Variants in MTHFD1L observed in about 807,000 individuals in gnomAD.
MTHFD1L encodes the protein monofunctional C1-tetrahydrofolate synthase, mitochondrial.
A neutral mutation model predicts 119.5 loss-of-function variants in MTHFD1L; 81 were observed. The ratio of observed to expected loss-of-function variants is 0.68; its 90% confidence interval spans 0.57 to 0.82. The LOEUF is 0.82. Ranked by LOEUF, MTHFD1L falls within the 40% of genes least tolerant of loss-of-function variation. The probability of loss-of-function intolerance (pLI) is 0.00; values close to 1 mark genes in which losing one functional copy is unlikely to be tolerated. For synonymous variants in MTHFD1L, 430 were observed against 475.2 expected (o/e 0.90, Z 1.24); for missense variants, 1,125 against 1,253.4 (o/e 0.90, Z 1.55).
rs146959174 is a variant in MTHFD1L, at chr6:151,017,692, A to G, written c.2586+1999A>G. 4.3e-4 allele frequency among the ~76,000 whole-genome samples: 65 copies of G among 152,054 alleles called. No homozygotes were observed. In the East Asian group the frequency reaches 0.011, roughly 26 times the overall value. ...CTGAATACGCTCCCATTCTTTGGAT[A>G]TCCCACATTTTGTTTCTTTGTCCAT... On this transcript the variant is annotated intron_variant, in intron 24 of 27. Coordinates refer to ENST00000367321, the MANE Select transcript of MTHFD1L (RefSeq NM_015440.5).
At chr6:150,906,130 T>C (rs1275796117) in intron 8 of MTHFD1L, among the ~76,000 whole-genome samples, 2 of 152,244 alleles carry the variant, frequency 1.3e-5, no homozygotes, top group East Asian at 3.8e-4. Context: ...AATCTCACTA[T>C]GTAAAAGCAG....
intron 1 of MTHFD1L, among the ~76,000 whole-genome samples, chr6:150,870,956 T>C (rs1362856297): frequency 1.4e-5 from 2 of 141,754 alleles, no homozygotes; most frequent in Admixed American, 7.2e-5. Context: ...AACATATATA[T>C]ATATATTATA....
At chr6:150,980,401 A>G (rs1340091800) in intron 20 of MTHFD1L, among the ~76,000 whole-genome samples, 2 of 152,148 alleles carry the variant, frequency 1.3e-5, no homozygotes, top group East Asian at 3.9e-4. Flanking sequence ...TTTTGTGTAA[A>G]GTAGCCCTCT....
intron 24 of MTHFD1L, among the ~76,000 whole-genome samples, chr6:151,028,000 C>T (rs529604909): frequency 3.9e-5 from 6 of 152,140 alleles, no homozygotes; most frequent in African/African-American, 1.2e-4. Context: ...CCTTCATCTT[C>T]TCCAGTGGTG....
In MTHFD1L at chr6:150,998,995, A is replaced by AAAAAAAAAAATGTATATATATATATATAT. The variant is rs986639098; in HGVS notation, c.2126-10823_2126-10822insAAAAAAAAATGTATATATATATATATATA. ...ACAGAGGGAGACCCTGTCTTAAAAA[A>AAAAAAAAAAATGTATATATATATATATAT]ATATATATACATATATATATATAGT... is the stretch of plus-strand genomic sequence containing the variant. On this transcript the variant is annotated intron_variant, in intron 20 of 27. Transcript: ENST00000367321. Among the ~76,000 whole-genome samples the AAAAAAAAAAATGTATATATATATATATAT allele has an allele frequency of 1.6e-4, 23 of 143,658 alleles. 1 individual carries two copies. The highest frequency in any genetic ancestry group is 5.4e-4 in the African/African-American group (21 of 38,870). 94.2% of individuals were successfully genotyped at this position (143,658 alleles called of 152,430 possible). A position where few individuals can be genotyped will look rare whatever the true frequency, so the allele number is the denominator to read the frequency against.
intron 11 of MTHFD1L, among the ~76,000 whole-genome samples, chr6:150,929,058 G>T (rs1180281504): frequency 6.6e-6 from 1 of 152,150 alleles, no homozygotes; most frequent in Non-Finnish European, 1.5e-5. Context: ...GTGTGGGAAA[G>T]TTCCTGGCTG....
rs1790075784 is a variant in MTHFD1L at position 150,926,838 on chromosome 6, A to G, written c.1256+543A>G. On this transcript the variant is annotated intron_variant, in intron 11 of 27. Coordinates refer to ENST00000367321, the MANE Select transcript of MTHFD1L (RefSeq NM_015440.5). This position sits in a 1 kb window ranked among gnomAD's most constrained non-coding sequence, Gnocchi z 4.3. ...GTTATTTTATAAAAGACAAATTCAT[A>G]GTTTTTGTGAAAAGGAGTGTTTGCC... 6.6e-6 allele frequency among the ~76,000 whole-genome samples: 1 copy of G among 152,054 alleles called. No individual in the cohort carries two copies. Among genetic ancestry groups the G allele is most frequent in the African/African-American group, 2.4e-5 (1 of 41,316 alleles).
At chr6:150,954,053 G>A (rs1039304187) in intron 16 of MTHFD1L, among the ~76,000 whole-genome samples, 9 of 152,218 alleles carry the variant, frequency 5.9e-5, no homozygotes, top group African/African-American at 1.9e-4. Context: ...GAGGGAGCTT[G>A]TTATAAAGAC....
rs780408715 is a variant in MTHFD1L, at chr6:151,010,001, T to G, written c.2265+43T>G. On this transcript the variant is annotated intron_variant, in intron 21 of 27. Coordinates refer to ENST00000367321, the MANE Select transcript of MTHFD1L (RefSeq NM_015440.5). ...CTTCCTAATACCAAAGAAATTTCAT[T>G]ATGTTAAAACAGAATTGAGCATTTG... is the stretch of plus-strand genomic sequence containing the variant. 158 of 1,539,902 alleles carry G rather than the reference T, an allele frequency of 1.0e-4. No homozygotes were observed. The East Asian group carries it at 3.6e-3, about 35-fold the overall frequency.
In MTHFD1L at chr6:151,092,498, C is replaced by A. The variant is rs1367181116; in HGVS notation, c.2879C>A (p.Pro960His). 3.1e-6 allele frequency: 5 copies of A among 1,614,082 alleles called. No homozygotes were observed. Among genetic ancestry groups the A allele is most frequent in the Non-Finnish European group, 4.2e-6 (5 of 1,180,028 alleles). ...MSTMPGLPTRPCFYDIDLDTE... is the reference protein window; with the variant it reads ...MSTMPGLPTRHCFYDIDLDTE... Reference sequence around the variant, plus strand: ...ACCATGCCAGGACTGCCCACCCGGCCCTGCTTTTATGACATAGATCTTGAT... The same window carrying A: ...ACCATGCCAGGACTGCCCACCCGGCACTGCTTTTATGACATAGATCTTGAT... Residue 960 changes from proline to histidine, a missense_variant, in exon 27 of 28, where the codon CCC becomes CAC. This residue lies in a region of MTHFD1L where 61 missense variants were observed against 78.9 expected (regional missense o/e 0.77). Coordinates refer to ENST00000367321, the MANE Select transcript of MTHFD1L (RefSeq NM_015440.5).
chr6:151,088,288 A>G (rs913421005), intron 26 of MTHFD1L: 5 of 152,136 alleles, frequency 3.3e-5, no homozygotes, highest in Admixed American at 3.3e-4. Flanking sequence ...GTCGTCGCTT[A>G]TCCCAAATAA....
chr6:150,874,038 C>T (rs1265372466), intron 1 of MTHFD1L, among the ~76,000 whole-genome samples: 2 of 152,064 alleles, frequency 1.3e-5, no homozygotes, highest in Non-Finnish European at 2.9e-5. Context: ...TCCCACACTC[C>T]GGTGCTTTCC....
At chr6:150,909,807 A>G (rs1008351032) in intron 8 of MTHFD1L, among the ~76,000 whole-genome samples, 18 of 152,154 alleles carry the variant, frequency 1.2e-4, no homozygotes, top group Non-Finnish European at 2.5e-4. Context: ...AGAGGGGAAG[A>G]GCCCTGGGAT....
At chr6:151,072,615 C>G (rs1269794918) in intron 26 of MTHFD1L, among the ~76,000 whole-genome samples, 1 of 151,856 alleles carries the variant, frequency 6.6e-6, no homozygotes, top group Non-Finnish European at 1.5e-5. Context: ...ATGTTGAAAC[C>G]CCGTCTCTAC....
chr6:151,066,278 TA>T (rs1183112737), intron 26 of MTHFD1L, among the ~76,000 whole-genome samples: 1 of 149,418 alleles, frequency 6.7e-6, no homozygotes, highest in Non-Finnish European at 1.5e-5. Context: ...CTACTAAAAA[TA>T]CAAAAAAATC....
chr6:150,965,427 G>A (rs571283026), intron 19 of MTHFD1L, among the ~76,000 whole-genome samples: 57 of 152,186 alleles, frequency 3.7e-4, no homozygotes, highest in African/African-American at 1.3e-3. Flanking sequence ...TTGTGAGGCC[G>A]AGGTGGGCGG....
intron 20 of MTHFD1L, among the ~76,000 whole-genome samples, chr6:150,995,828 A>G (rs1779742200): frequency 6.8e-6 from 1 of 147,032 alleles, no homozygotes; most frequent in Admixed American, 7.0e-5. Context: ...CATCAGGCTA[A>G]TTTTTTGTAT....
chr6:150,948,877 G>A (rs1400213172), intron 15 of MTHFD1L, among the ~76,000 whole-genome samples, 154 bp from the exon 16 acceptor site: 3 of 152,068 alleles, frequency 2.0e-5, no homozygotes, highest in African/African-American at 7.2e-5. Context: ...CTGACCTCAG[G>A]TGATCTGCCC....
Position 150,865,734 on chromosome 6 carries a change from C to T in MTHFD1L, c.-89C>T, listed in dbSNP as rs1235213500. 3.5e-6 allele frequency: 4 copies of T among 1,127,692 alleles called. No homozygotes were observed. The highest frequency in any genetic ancestry group is 1.3e-4 in the East Asian group (2 of 15,222). 69.9% of individuals were successfully genotyped at this position (1,127,692 alleles called of 1,614,324 possible). ...CGCCAGGTCCTTCCCGCCGCCGCCG[C>T]CGCCGCCGCCGCCTGCTCCCCTGGC... On this transcript the variant is annotated 5_prime_UTR_variant, in exon 1 of 28. Transcript: ENST00000367321.
Sources: gnomAD v4.1 joint callset for allele counts (sites outside exome capture counted in the v4.1 genomes callset) on GRCh38, gnomAD v4.1.1 for gene constraint, gnomAD v4.1.1 regional missense constraint, Gnocchi (gnomAD v3.1) non-coding constraint, MANE v1.5 for transcripts, NCBI Gene and HGNC (gene_info 2026-07-23, HGNC 2026-07-21) for gene names.